Variants in ATG7 observed in about 807,000 individuals in gnomAD.
The protein encoded by ATG7 is autophagy related 7.
In ATG7, 70 loss-of-function variants were observed where a neutral mutation model predicts 82.4. The observed-to-expected ratio is 0.85, with a 90% CI of 0.70 to 1.04. The LOEUF (loss-of-function observed/expected upper bound fraction) is 1.04. ATG7 is among the 50% of genes least tolerant of loss of function. The pLI, the probability that ATG7 is intolerant of heterozygous loss-of-function variation, is 0.00. For missense variants in ATG7, 792 were observed against 864.3 expected (o/e 0.92, Z 1.05); for synonymous variants, 287 against 313.0 (o/e 0.92, Z 0.88).
chr3:11,574,785 A>G, the ATG7 span, among the ~76,000 whole-genome samples: 5,010 of 121,618 alleles, frequency 0.041, 120 homozygotes, highest in South Asian at 0.065. Context: ...TCAACTATAT[A>G]TGTGTGTGTG....
At chr3:11,347,792 A>C (rs1450197076) in intron 13 of ATG7, 85 bp from the exon 14 acceptor site, 1 of 1,417,600 alleles carries the variant, frequency 7.1e-7, no homozygotes, top group Non-Finnish European at 9.4e-7. Context: ...GCTTCTCCAA[A>C]CCAATATTCT....
chr3:11,509,768 G>A (rs1229810190), intron 20 of ATG7, among the ~76,000 whole-genome samples: 1 of 152,138 alleles, frequency 6.6e-6, no homozygotes, highest in East Asian at 1.9e-4. Context: ...TAAAGTGAGA[G>A]CCACTTGTAA....
At chr3:11,521,699 C>T (rs1286890161) in intron 20 of ATG7, among the ~76,000 whole-genome samples, 2 of 152,014 alleles carry the variant, frequency 1.3e-5, no homozygotes, top group African/African-American at 4.8e-5. Flanking sequence ...ATTACAGGCG[C>T]CTGCCACCAC....
chr3:11,277,391 T>C (rs1575099368), intron 1 of ATG7: 1 of 152,350 alleles, frequency 6.6e-6, no homozygotes, highest in Admixed American at 6.5e-5. Context: ...CAGAACTCTA[T>C]CAGGGGAACC....
chr3:11,574,681 T>C, the ATG7 span, among the ~76,000 whole-genome samples: 1 of 152,120 alleles, frequency 6.6e-6, no homozygotes, highest in Non-Finnish European at 1.5e-5. Context: ...CGATTAATGT[T>C]TGATGGAGGC....
intron 20 of ATG7, among the ~76,000 whole-genome samples, chr3:11,435,747 G>C (rs937000837): frequency 6.6e-6 from 1 of 152,080 alleles, no homozygotes; most frequent in Non-Finnish European, 1.5e-5. Flanking sequence ...TGTAGGATGT[G>C]ATTAATAATT....
chr3:11,326,475 T>A lies in ATG7; in HGVS notation c.679-4865T>A, dbSNP rs544769794. The stretch of plus-strand genomic sequence containing the variant: ...CATCATGCCCGGCTAATTTTTTGTA[T>A]TTTTAGTAGAGATGGGGTTTCACTG... On this transcript the variant is annotated intron_variant, in intron 9 of 20. Transcript: ENST00000693202. Among the ~76,000 whole-genome samples the A allele has an allele frequency of 2.6e-5, 4 of 152,138 alleles. 1 individual carries two copies. Among genetic ancestry groups the A allele is most frequent in the Admixed American group, 2.6e-4 (4 of 15,278 alleles).
At chr3:11,569,139 C>T in the ATG7 span, among the ~76,000 whole-genome samples, 25 of 152,280 alleles carry the variant, frequency 1.6e-4, no homozygotes, top group Admixed American at 7.2e-4. Context: ...AAGTGCACTG[C>T]GTCTATTTGA....
At chr3:11,557,668 T>TAGTA (rs901460048), downstream of ATG7, 31 of 152,830 alleles carry the variant, frequency 2.0e-4, no homozygotes, top group Non-Finnish European at 5.9e-5. Context: ...GAAAAGAAGA[T>TAGTA]AGTAAGTATT....
intron 20 of ATG7, among the ~76,000 whole-genome samples, chr3:11,427,535 C>T (rs1576339186): frequency 1.4e-5 from 2 of 145,032 alleles, no homozygotes; most frequent in African/African-American, 2.6e-5. Context: ...AATAAATTAT[C>T]GGCCGGGCGA....
intron 19 of ATG7, among the ~76,000 whole-genome samples, chr3:11,425,948 A>C (rs1364377486): frequency 2.0e-5 from 3 of 152,202 alleles, no homozygotes; most frequent in Non-Finnish European, 2.9e-5. Context: ...GTTTGAAGGT[A>C]GTTTGTTCTC....
intron 19 of ATG7, among the ~76,000 whole-genome samples, chr3:11,421,608 A>T (rs915809066): frequency 6.6e-6 from 1 of 152,184 alleles, no homozygotes; most frequent in African/African-American, 2.4e-5. Context: ...TGAGGGTTGG[A>T]ATCAACTTCT....
chr3:11,345,672 T>C (rs888871917), intron 13 of ATG7, among the ~76,000 whole-genome samples: 1 of 152,162 alleles, frequency 6.6e-6, no homozygotes, highest in African/African-American at 2.4e-5. Flanking sequence ...GAGAGGCTTG[T>C]CTATCAGTTT....
chr3:11,573,798 T>C, the ATG7 span, among the ~76,000 whole-genome samples: 11 of 152,222 alleles, frequency 7.2e-5, 1 homozygote, highest in East Asian at 3.8e-4. Flanking sequence ...TGAAAAGACA[T>C]TGAAGTCCTA....
chr3:11,328,615 A>T (rs1404150670), intron 9 of ATG7, among the ~76,000 whole-genome samples: 1 of 152,236 alleles, frequency 6.6e-6, no homozygotes, highest in Non-Finnish European at 1.5e-5. Context: ...ATCTGATAAG[A>T]CCATAGTAAA....
chr3:11,272,414 C>A lies in ATG7; in HGVS notation c.-382C>A, dbSNP rs1212982653. Reference sequence around the variant, plus strand: ...CGCGCCTCAGAGAGAGCTGTGGTTGCCGGAAGTTGAGCGGCGGTAAGTGAG... The same window carrying A: ...CGCGCCTCAGAGAGAGCTGTGGTTGACGGAAGTTGAGCGGCGGTAAGTGAG... On this transcript the variant is annotated 5_prime_UTR_variant, in exon 1 of 21. Transcript: ENST00000693202. The A allele has an allele frequency of 6.6e-6, 1 of 152,482 alleles. No homozygotes were observed. Among genetic ancestry groups the A allele is most frequent in the East Asian group, 1.9e-4 (1 of 5,324 alleles). The allele number at this position is 152,482 out of a possible 1,614,324, so 9.4% of individuals were successfully genotyped here. A position where few individuals can be genotyped will look rare whatever the true frequency, so the allele number is the denominator to read the frequency against.
intron 19 of ATG7, among the ~76,000 whole-genome samples, chr3:11,419,392 A>G (rs2081721358): frequency 6.6e-6 from 1 of 152,130 alleles, no homozygotes; most frequent in Non-Finnish European, 1.5e-5. Flanking sequence ...CATCTCTACT[A>G]ACAATACAAA....
At chr3:11,363,222 A>G (rs2076390800) in intron 17 of ATG7, 2 of 202,166 alleles carry the variant, frequency 9.9e-6, no homozygotes, top group South Asian at 2.3e-4. Flanking sequence ...AGCACCTTAG[A>G]AATTTTGCCT....
intron 1 of ATG7, among the ~76,000 whole-genome samples, chr3:11,278,728 A>G (rs898033432): frequency 3.3e-5 from 5 of 152,202 alleles, no homozygotes; most frequent in East Asian, 3.8e-4. Flanking sequence ...TAGAAAAACA[A>G]TGATGAATGG....
Sources: gnomAD v4.1 joint callset for allele counts (sites outside exome capture counted in the v4.1 genomes callset) on GRCh38, gnomAD v4.1.1 for gene constraint, MANE v1.5 for transcripts, NCBI Gene and HGNC (gene_info 2026-07-23, HGNC 2026-07-21) for gene names.